The following ARRDC3 variants were observed in gnomAD, a reference collection of about 807,000 sequenced individuals.
ARRDC3 encodes arrestin domain-containing protein 3.
In ARRDC3, 10 loss-of-function variants were observed where a neutral mutation model predicts 47.2. The observed-to-expected ratio is 0.21, with a 90% confidence interval of 0.13 to 0.36. The LOEUF is 0.36. Ranked by LOEUF, ARRDC3 falls within the 10% of genes least tolerant of loss-of-function variation. The pLI is 1.00. For synonymous variants in ARRDC3, 156 were observed against 178.3 expected (o/e 0.87, Z 1.00); for missense variants, 381 against 503.6 (o/e 0.76, Z 2.33).
chr5:91,376,053 G>A (rs1435004038), intron 3 of ARRDC3, among the ~76,000 whole-genome samples: 1 of 151,990 alleles, frequency 6.6e-6, no homozygotes, highest in Non-Finnish European at 1.5e-5. Context: ...AAAGGAAAAT[G>A]CCCATTTCTT....
At chr5:91,374,513 A>T (rs1297785093) in intron 5 of ARRDC3, among the ~76,000 whole-genome samples, 2 of 152,170 alleles carry the variant, frequency 1.3e-5, no homozygotes, top group Non-Finnish European at 2.9e-5. Context: ...TATGGAATTT[A>T]AAAAAATCAA....
At position 91,375,575 on chromosome 5, in the gene ARRDC3, G is replaced by A. The variant is rs770586789; in HGVS notation, c.549C>T (p.Cys183=). The change falls in exon 4 of 8, where the codon TGC becomes TGT. Residue 183 remains cysteine, a synonymous_variant. Transcript: ENST00000265138. The part of the protein sequence containing the change: ...QAGTKEKTLC[C]WFCTSGPISL... The stretch of plus-strand genomic sequence containing the variant: ...ATATTGGGCCTGAGGTACAGAACCA[G>A]CAACAGAGTGTCTTTTCTTTTGTGC... 1.9e-6 allele frequency: 3 copies of A among 1,610,698 alleles called. No individual in the cohort carries two copies. The highest frequency in any genetic ancestry group is 1.7e-6 in the Non-Finnish European group (2 of 1,178,054).
chr5:91,369,895 G>A lies in ARRDC3; in HGVS notation c.*1505C>T, dbSNP rs1461307345. 1.3e-5 allele frequency: 2 copies of A among 152,120 alleles called. No individual in the cohort carries two copies. The highest frequency in any genetic ancestry group is 2.9e-5 in the Non-Finnish European group (2 of 68,024). The allele number at this position is 152,120 out of a possible 1,614,324, so 9.4% of individuals were successfully genotyped here. A position where few individuals can be genotyped will look rare whatever the true frequency, so the allele number is the denominator to read the frequency against. The stretch of plus-strand genomic sequence containing the variant: ...TAAACTATAACTTACTGATGTGATT[G>A]TTCTTCCTATGTAATCTATACATAA... On this transcript the variant is annotated 3_prime_UTR_variant, in exon 8 of 8. Coordinates refer to ENST00000265138, the MANE Select transcript of ARRDC3 (RefSeq NM_020801.4).
rs948559380 is a variant in ARRDC3, at chr5:91,373,938, T to G, written c.1034-100A>C. ...AAAAAGCAACGTCAAGGTAAAATAA[T>G]TATTGTTTGGTGATCAAAACTATGA... On this transcript the variant is annotated intron_variant, in intron 6 of 7. Coordinates refer to ENST00000265138, the MANE Select transcript of ARRDC3 (RefSeq NM_020801.4). 3 of 1,526,386 alleles carry G rather than the reference T, an allele frequency of 2.0e-6. No individual in the cohort carries two copies. The African/African-American group carries it at 4.1e-5, about 21-fold the overall frequency. 94.6% of individuals were successfully genotyped at this position (1,526,386 alleles called of 1,614,324 possible). A position where few individuals can be genotyped will look rare whatever the true frequency, so the allele number is the denominator to read the frequency against.
chr5:91,371,572 A>T, intron 7 of ARRDC3, 116 bp from the exon 8 acceptor site: 1 of 734,820 alleles, frequency 1.4e-6, no homozygotes, highest in Non-Finnish European at 2.2e-6. Context: ...GAGCAAACAC[A>T]GCTTGTTAGC....
In ARRDC3 at chr5:91,370,902, AT is replaced by A. The variant is rs1202109795; in HGVS notation, c.*497del. On this transcript the variant is annotated 3_prime_UTR_variant, in exon 8 of 8. Transcript: ENST00000265138. ...TCCAGGCTATATTAAATAAAAAAAAATGTCAGTGCGTTTTTTCATGTTAAAG... is the reference window on the plus strand; with the variant it reads ...TCCAGGCTATATTAAATAAAAAAAAAGTCAGTGCGTTTTTTCATGTTAAAG... 3.3e-5 allele frequency: 5 copies of A among 151,896 alleles called. No homozygotes were observed. Among genetic ancestry groups the A allele is most frequent in the Non-Finnish European group, 7.3e-5 (5 of 68,328 alleles). 9.4% of individuals were successfully genotyped at this position (151,896 alleles called of 1,614,324 possible).
chr5:91,374,783 G>A lies in ARRDC3; in HGVS notation c.870+139C>T. On this transcript the variant is annotated intron_variant, in intron 5 of 7. Coordinates refer to ENST00000265138, the MANE Select transcript of ARRDC3 (RefSeq NM_020801.4). ...CACCTGTAGTCCCAACTACTTGGGA[G>A]CTGAGGTGGGAGGATCACTGGAGCC... The A allele has an allele frequency of 7.2e-6, 6 of 834,158 alleles. No homozygotes were observed. In the South Asian group the frequency reaches 9.0e-5, roughly 13 times the overall value. 51.7% of individuals were successfully genotyped at this position (834,158 alleles called of 1,614,324 possible).
chr5:91,379,292 T>TAAA lies in ARRDC3; in HGVS notation c.281-520_281-518dup, dbSNP rs377674022. ...AGAAAACCTTGTCAAATAGACGGAG[T>TAAA]AAAAAAAAAAAAAAAAAAAGCCACA... On this transcript the variant is annotated intron_variant, in intron 1 of 7. Transcript: ENST00000265138. 3.2e-3 allele frequency among the ~76,000 whole-genome samples: 347 copies of TAAA among 107,762 alleles called. 4 individuals carry two copies. Among genetic ancestry groups the TAAA allele is most frequent in the African/African-American group, 8.4e-3 (241 of 28,656 alleles). The allele number at this position is 107,762 out of a possible 152,430, so 70.7% of individuals were successfully genotyped here.
rs1429908591 is a variant in ARRDC3 at position 91,370,432 on chromosome 5, C to CTT, written c.*966_*967dup. 2 of 152,536 alleles carry CTT rather than the reference C, an allele frequency of 1.3e-5. No homozygotes were observed. The highest frequency in any genetic ancestry group is 6.5e-5 in the Admixed American group (1 of 15,270). 9.4% of individuals were successfully genotyped at this position (152,536 alleles called of 1,614,324 possible). A position where few individuals can be genotyped will look rare whatever the true frequency, so the allele number is the denominator to read the frequency against. On this transcript the variant is annotated 3_prime_UTR_variant, in exon 8 of 8. Transcript: ENST00000265138. ...ATAAAAAGGGAATGTGGGTGTGTAA[C>CTT]TTTTGTGTATGTCCCGTTTCCAAAT...
chr5:91,382,992 A>G lies in ARRDC3; in HGVS notation c.101T>C (p.Val34Ala). 6.2e-7 allele frequency: 1 copy of G among 1,614,120 alleles called. No individual in the cohort carries two copies. The highest frequency in any genetic ancestry group is 2.2e-5 in the East Asian group (1 of 44,870). Residue 34 changes from valine (V) to alanine (A), a missense_variant, in exon 1 of 8, where the codon GTA becomes GCA. Coordinates refer to ENST00000265138, the MANE Select transcript of ARRDC3 (RefSeq NM_020801.4). Reference sequence around the variant, plus strand: ...GATTTCCCCAGTAACTTCTAAATTTACCCTTCCTGAGACGGTATCCCCACT... The same window carrying G: ...GATTTCCCCAGTAACTTCTAAATTTGCCCTTCCTGAGACGGTATCCCCACT... ...YSSGDTVSGR[V>A]NLEVTGEIRV...
chr5:91,375,516 G>A lies in ARRDC3; in HGVS notation c.608C>T (p.Thr203Ile). The change falls in exon 4 of 8, where the codon ACC (threonine) becomes ATC (isoleucine). Residue 203 changes from threonine (T) to isoleucine (I), a missense_variant. Coordinates refer to ENST00000265138, the MANE Select transcript of ARRDC3 (RefSeq NM_020801.4). ...GGAATCTACCTCTTACATACCTGGG[G>A]TATAGCCCTTCCTTTCAATTTTGGC... Reference protein sequence around the residue: ...LSAKIERKGYTPGESIQIFAE... With the variant: ...LSAKIERKGYIPGESIQIFAE... 1 of 1,608,222 alleles carries A rather than the reference G, an allele frequency of 6.2e-7. No individual in the cohort carries two copies. The highest frequency in any genetic ancestry group is 1.1e-5 in the South Asian group (1 of 90,380).
rs1799176753 is a variant in ARRDC3 at position 91,371,454 on chromosome 5, A to C, written c.1191T>G (p.Ile397Met). 1.9e-6 allele frequency: 3 copies of C among 1,612,832 alleles called. No homozygotes were observed. The highest frequency in any genetic ancestry group is 2.5e-6 in the Non-Finnish European group (3 of 1,179,226). ...RFLPPPLYSEIDPNPDQSADD... is the reference protein window; with the variant it reads ...RFLPPPLYSEMDPNPDQSADD... ...CTGCTGACTGATCAGGATTTGGATC[A>C]ATCTAGAAAGAAATGAGAAAAAAAG... The change falls in exon 8 of 8, where the codon ATT becomes ATG. Residue 397 changes from isoleucine (I) to methionine (M), a missense_variant and splice_region_variant. Ile to Met is a conservative substitution (Grantham distance 10). Transcript: ENST00000265138.
chr5:91,372,309 T>G (rs943543346), intron 7 of ARRDC3, among the ~76,000 whole-genome samples: 19 of 152,290 alleles, frequency 1.2e-4, no homozygotes, highest in African/African-American at 4.6e-4. Context: ...AAAAGCCAAA[T>G]AACTTTTAGT....
chr5:91,380,669 CT>C (rs1490613359), intron 1 of ARRDC3: 1 of 152,284 alleles, frequency 6.6e-6, no homozygotes, highest in Admixed American at 6.5e-5. Flanking sequence ...CAGGAGTCCC[CT>C]GACACCTCCC....
At position 91,371,272 on chromosome 5, in the gene ARRDC3, A is replaced by G. The variant is rs750009513; in HGVS notation, c.*128T>C. 2 of 736,268 alleles carry G rather than the reference A, an allele frequency of 2.7e-6. No individual in the cohort carries two copies. The highest frequency in any genetic ancestry group is 4.5e-6 in the Non-Finnish European group (2 of 445,642). The allele number at this position is 736,268 out of a possible 1,614,324, so 45.6% of individuals were successfully genotyped here. ...AGCATGATCACTGGTTGTTTCATGT[A>G]TTCGCCATTTTTCTGGGCAAAAGTA... On this transcript the variant is annotated 3_prime_UTR_variant, in exon 8 of 8. Coordinates refer to ENST00000265138, the MANE Select transcript of ARRDC3 (RefSeq NM_020801.4).
chr5:91,372,073 GT>G (rs1799190297), intron 7 of ARRDC3, among the ~76,000 whole-genome samples: 2 of 152,144 alleles, frequency 1.3e-5, no homozygotes, highest in African/African-American at 4.8e-5. Flanking sequence ...CACTCAAGAG[GT>G]TTCCTCCCAC....
chr5:91,379,609 A>AT (rs1286645054), intron 1 of ARRDC3, among the ~76,000 whole-genome samples: 3 of 151,958 alleles, frequency 2.0e-5, no homozygotes, highest in African/African-American at 7.3e-5. Context: ...TGGTGAAATT[A>AT]TTTTTTTTCA....
chr5:91,382,543 G>T (rs1223169499), intron 1 of ARRDC3, among the ~76,000 whole-genome samples: 1 of 152,194 alleles, frequency 6.6e-6, no homozygotes, highest in African/African-American at 2.4e-5. Flanking sequence ...TATAAGTAAG[G>T]TGCAAATGGA....
chr5:91,373,628 C>A, intron 7 of ARRDC3, 56 bp downstream of exon 7: 1 of 1,507,326 alleles, frequency 6.6e-7, no homozygotes, highest in Admixed American at 1.9e-5. Flanking sequence ...AAAATGCCTG[C>A]AATGCTATTT....
Sources: allele counts gnomAD v4.1 joint callset (sites outside exome capture counted in the v4.1 genomes callset), GRCh38; gene constraint gnomAD v4.1.1; transcripts MANE v1.5; gene names NCBI Gene and HGNC (gene_info 2026-07-23, HGNC 2026-07-21).